The following PRH1 variants were observed in gnomAD, a reference collection of about 807,000 sequenced individuals.
PRH1 encodes the protein proline rich protein HaeIII subfamily 1, also known as salivary acidic proline-rich phosphoprotein 1/2.
PRH1 carries 7 observed loss-of-function variants against 7.9 expected under a neutral mutation model. That is an observed-to-expected ratio of 0.89 (90% confidence interval 0.50 to 1.67). The LOEUF (loss-of-function observed/expected upper bound fraction) is 1.67, where lower values mean the gene tolerates loss of function less well. PRH1 is among the 40% of genes most tolerant of loss of function. PRH1 has a pLI of 0.00. For synonymous variants in PRH1, 45 were observed against 80.8 expected, an observed-to-expected ratio of 0.56 and a Z score of 2.38; for missense variants, 109 against 223.6, an observed-to-expected ratio of 0.49 and a Z score of 3.27.
chr12:11,159,236 C>G (rs1947344975), intron 1 of PRH1: 1 of 151,462 alleles, frequency 6.6e-6, no homozygotes, highest in Non-Finnish European at 1.5e-5. Flanking sequence ...TTTTTCACAA[C>G]TCACTAATGG....
At chr12:11,163,552 C>T (rs943133701) in intron 1 of PRH1, among the ~76,000 whole-genome samples, 6 of 152,022 alleles carry the variant, frequency 3.9e-5, no homozygotes, top group Non-Finnish European at 7.4e-5. Context: ...CTATTATATG[C>T]GCTGATGCAC....
intron 1 of PRH1, among the ~76,000 whole-genome samples, chr12:11,068,954 C>A (rs61242658): frequency 0.56 from 67,315 of 119,514 alleles, 15,237 homozygotes; most frequent in Non-Finnish European, 0.65. Context: ...GTAGCCCCAA[C>A]TGGAGTGCAG....
chr12:10,945,188 C>CT (rs758964900), intron 2 of PRH1, among the ~76,000 whole-genome samples: 1 of 152,076 alleles, frequency 6.6e-6, no homozygotes, highest in Non-Finnish European at 1.5e-5. Flanking sequence ...AGGTCTTGGG[C>CT]TTTTTTGGGT....
At chr12:11,039,109 C>T (rs1220186383) in intron 1 of PRH1, among the ~76,000 whole-genome samples, 6 of 152,162 alleles carry the variant, frequency 3.9e-5, no homozygotes, top group Non-Finnish European at 7.4e-5. Context: ...AAATAGTCTA[C>T]AAGCTTAATG....
intron 2 of PRH1, among the ~76,000 whole-genome samples, chr12:10,933,394 C>T (rs529380587): frequency 1.3e-5 from 2 of 151,750 alleles, no homozygotes; most frequent in South Asian, 4.2e-4. Context: ...CTGATTTATA[C>T]AAAATGCTGA....
rs549612182 is a variant in PRH1, at chr12:11,060,237, T to C, written n.124-13049A>G. On this transcript the variant is annotated intron_variant and non_coding_transcript_variant, in intron 1 of 4. Coordinates refer to the PRH1 transcript ENST00000541977. The stretch of plus-strand genomic sequence containing the variant: ...CTATTAATGAATATGTCAACCACTT[T>C]CATTTCATCATTGACAACAAAATTA... 3.2e-3 allele frequency among the ~76,000 whole-genome samples: 486 copies of C among 151,628 alleles called. 3 individuals are homozygous for C. The highest frequency in any genetic ancestry group is 6.0e-3 in the Non-Finnish European group (407 of 67,828).
chr12:10,892,215 T>C (rs1048008879), intron 2 of PRH1, among the ~76,000 whole-genome samples: 1 of 152,198 alleles, frequency 6.6e-6, no homozygotes, highest in Non-Finnish European at 1.5e-5. Flanking sequence ...AGATAAGAGC[T>C]AGACCATGCA....
chr12:11,051,515 G>A (rs1484012349), upstream of PRH1, among the ~76,000 whole-genome samples: 1 of 152,188 alleles, frequency 6.6e-6, no homozygotes, highest in Non-Finnish European at 1.5e-5. Context: ...AAACACTCAT[G>A]TAACCATCAG....
At position 11,061,296 on chromosome 12, in the gene PRH1, G is replaced by A. The variant is rs369943612; in HGVS notation, n.124-14108C>T. 141 of 1,532,094 alleles carry A rather than the reference G, an allele frequency of 9.2e-5. 2 individuals carry two copies. The East Asian group carries it at 1.7e-3, about 18-fold the overall frequency. 94.9% of individuals were successfully genotyped at this position (1,532,094 alleles called of 1,614,324 possible). ...ACATACATTACAGAAAACACAGTAAGAAATATAAAATGCTTCATATAACAC... is the reference window on the plus strand; with the variant it reads ...ACATACATTACAGAAAACACAGTAAAAAATATAAAATGCTTCATATAACAC... On this transcript the variant is annotated intron_variant and non_coding_transcript_variant, in intron 1 of 4. Coordinates refer to the PRH1 transcript ENST00000541977.
At chr12:10,915,261 T>C (rs1030393462) in intron 2 of PRH1, among the ~76,000 whole-genome samples, 1 of 152,274 alleles carries the variant, frequency 6.6e-6, no homozygotes, top group African/African-American at 2.4e-5. Context: ...TGACAGTTAC[T>C]GCTCTTTCAG....
chr12:11,083,952 C>T (rs1944587954), intron 1 of PRH1, among the ~76,000 whole-genome samples: 1 of 73,864 alleles, frequency 1.4e-5, no homozygotes, highest in Admixed American at 1.4e-4. Flanking sequence ...AATTAAGTTC[C>T]CTTCAAAGAC....
intron 1 of PRH1, among the ~76,000 whole-genome samples, chr12:11,068,041 T>C (rs1478059115): frequency 1.3e-5 from 2 of 149,418 alleles, no homozygotes; most frequent in East Asian, 1.9e-4. Context: ...TTTTTTTTTA[T>C]TGGGGAGCAT....
intron 1 of PRH1, among the ~76,000 whole-genome samples, chr12:11,130,639 G>A (rs1946314037): frequency 8.2e-6 from 1 of 121,994 alleles, no homozygotes; most frequent in East Asian, 2.7e-4. Context: ...GGCATTATAG[G>A]ACTCTGTGCA....
chr12:11,015,609 G>A (rs1941256241), intron 1 of PRH1, among the ~76,000 whole-genome samples: 1 of 152,092 alleles, frequency 6.6e-6, no homozygotes, highest in Admixed American at 6.6e-5. Context: ...AAAAGACACT[G>A]CAGTCCATGA....
intron 1 of PRH1, among the ~76,000 whole-genome samples, chr12:11,156,960 C>A (rs1243081102): frequency 6.6e-6 from 1 of 151,776 alleles, no homozygotes; most frequent in Non-Finnish European, 1.5e-5. Flanking sequence ...AGTCTCCTGC[C>A]TCAGCCTCCC....
chr12:11,128,595 A>C (rs1946217138), intron 1 of PRH1, among the ~76,000 whole-genome samples: 1 of 152,138 alleles, frequency 6.6e-6, no homozygotes, highest in Admixed American at 6.5e-5. Flanking sequence ...AAATATAAAA[A>C]TTAGCCAGGT....
chr12:10,895,332 G>A (rs1015385791), intron 2 of PRH1: 2 of 152,184 alleles, frequency 1.3e-5, no homozygotes, highest in Non-Finnish European at 2.9e-5. Context: ...AACATCATCT[G>A]AAGGAGAAAC....
chr12:10,993,050 T>C (rs10772404), intron 1 of PRH1, among the ~76,000 whole-genome samples: 1 of 152,094 alleles, frequency 6.6e-6, no homozygotes, highest in Admixed American at 6.5e-5. Flanking sequence ...ATCCCTATTC[T>C]GTTAACCTAT....
intron 2 of PRH1, chr12:10,938,899 G>A (rs748626893): frequency 6.8e-6 from 11 of 1,613,896 alleles, no homozygotes; most frequent in Non-Finnish European, 7.6e-6. Flanking sequence ...AAAAAGTACC[G>A]AGGCCTGTAG....
Sources: allele counts gnomAD v4.1 joint callset (sites outside exome capture counted in the v4.1 genomes callset), GRCh38; gene constraint gnomAD v4.1.1; transcripts MANE v1.5; gene names NCBI Gene and HGNC (gene_info 2026-07-23, HGNC 2026-07-21).